The following MRPL13 variants were observed in gnomAD, a reference collection of about 807,000 sequenced individuals.
MRPL13 encodes the protein mitochondrial ribosomal protein L13, also known as large ribosomal subunit protein uL13m.
A neutral mutation model predicts 29.0 loss-of-function variants in MRPL13; 33 were observed. The observed-to-expected ratio is 1.14, with a 90% CI of 0.86 to 1.52. The LOEUF (loss-of-function observed/expected upper bound fraction) is 1.52, where lower values mean the gene tolerates loss of function less well. Ranked by LOEUF, MRPL13 falls within the 40% of genes most tolerant of loss-of-function variation. MRPL13 has a pLI of 0.00. For missense variants in MRPL13, 227 were observed against 216.7 expected, an observed-to-expected ratio of 1.05 and a Z score of -0.30; for synonymous variants, 77 against 68.4, an observed-to-expected ratio of 1.13 and a Z score of -0.62.
At chr8:120,400,081 C>T (rs994256096) in intron 6 of MRPL13, among the ~76,000 whole-genome samples, 1 of 152,058 alleles carries the variant, frequency 6.6e-6, no homozygotes, top group Non-Finnish European at 1.5e-5. Flanking sequence ...ATCATTGGGA[C>T]AGAAAATTAA....
intron 2 of MRPL13, among the ~76,000 whole-genome samples, chr8:120,438,073 C>T (rs1434120732): frequency 6.6e-6 from 1 of 152,140 alleles, no homozygotes; most frequent in Non-Finnish European, 1.5e-5. Flanking sequence ...ATTAAATACA[C>T]TGAAACATGC....
intron 6 of MRPL13, among the ~76,000 whole-genome samples, chr8:120,404,254 CA>C (rs1284199256): frequency 6.6e-6 from 1 of 152,214 alleles, no homozygotes; most frequent in Admixed American, 6.5e-5. Flanking sequence ...AAGAAGTCTG[CA>C]ACTCCACTCA....
At chr8:120,412,173 T>C (rs1326889263) in intron 6 of MRPL13, among the ~76,000 whole-genome samples, 1 of 152,174 alleles carries the variant, frequency 6.6e-6, no homozygotes, top group Admixed American at 6.5e-5. Flanking sequence ...TCATTTATGA[T>C]GGTGTTTCTG....
intron 2 of MRPL13, among the ~76,000 whole-genome samples, chr8:120,435,556 T>C (rs974191993): frequency 6.6e-6 from 1 of 152,158 alleles, no homozygotes; most frequent in African/African-American, 2.4e-5. Context: ...TTAATGGCTC[T>C]ACAGTATTCT....
At chr8:120,432,695 C>T (rs943924866) in intron 2 of MRPL13, among the ~76,000 whole-genome samples, 2 of 152,006 alleles carry the variant, frequency 1.3e-5, no homozygotes, top group African/African-American at 4.8e-5. Flanking sequence ...ATTTAAACTG[C>T]TACTCTCAAC....
chr8:120,437,036 C>A (rs1813062605), intron 2 of MRPL13, among the ~76,000 whole-genome samples: 1 of 151,990 alleles, frequency 6.6e-6, no homozygotes, highest in African/African-American at 2.4e-5. Context: ...TTGACAATAT[C>A]AATATAGTCA....
At chr8:120,442,940 C>T (rs1813140495) in intron 2 of MRPL13, among the ~76,000 whole-genome samples, 1 of 152,054 alleles carries the variant, frequency 6.6e-6, no homozygotes, top group African/African-American at 2.4e-5. Flanking sequence ...AAAAGAAGGG[C>T]TACTAATAAT....
chr8:120,399,809 A>G (rs927520758), intron 6 of MRPL13, among the ~76,000 whole-genome samples: 5 of 152,174 alleles, frequency 3.3e-5, no homozygotes, highest in Admixed American at 3.3e-4. Flanking sequence ...TTTACCAAGC[A>G]AATGGAAAAC....
chr8:120,443,643 A>G (rs73315155), intron 1 of MRPL13, among the ~76,000 whole-genome samples: 2,094 of 148,812 alleles, frequency 0.014, 54 homozygotes, highest in African/African-American at 0.049. Flanking sequence ...TGTATAACAC[A>G]TAATAGAATC....
At chr8:120,417,242 G>T (rs1812814624) in intron 5 of MRPL13, among the ~76,000 whole-genome samples, 1 of 152,188 alleles carries the variant, frequency 6.6e-6, no homozygotes. Context: ...AGTGACCAAA[G>T]ATTTGATCTC....
chr8:120,412,597 T>C (rs191022410), intron 6 of MRPL13, among the ~76,000 whole-genome samples: 176 of 152,372 alleles, frequency 1.2e-3, no homozygotes, highest in African/African-American at 4.0e-3. Flanking sequence ...TGGATTTTTC[T>C]AAAACTTAAG....
At chr8:120,440,483 T>C (rs1439849949) in intron 2 of MRPL13, among the ~76,000 whole-genome samples, 1 of 151,940 alleles carries the variant, frequency 6.6e-6, no homozygotes, top group Non-Finnish European at 1.5e-5. Flanking sequence ...CATATGCCTG[T>C]AATCCCGGCT....
intron 6 of MRPL13, among the ~76,000 whole-genome samples, chr8:120,396,804 T>C (rs963475906): frequency 6.6e-6 from 1 of 152,234 alleles, no homozygotes; most frequent in Admixed American, 6.5e-5. Context: ...AGTGTATTTG[T>C]AGGTGTTGGG....
intron 1 of MRPL13, chr8:120,444,830 C>A (rs544354359): frequency 1.1e-5 from 5 of 464,502 alleles, no homozygotes; most frequent in Admixed American, 3.3e-5. Context: ...TCCTCTTCCC[C>A]CCGCCCCCCC....
intron 2 of MRPL13, among the ~76,000 whole-genome samples, chr8:120,433,895 A>G (rs1813023594): frequency 6.6e-6 from 1 of 152,122 alleles, no homozygotes; most frequent in Non-Finnish European, 1.5e-5. Context: ...TTTAATATAT[A>G]TGTACCAAAT....
chr8:120,443,322 A>G lies in MRPL13; in HGVS notation c.28-14T>C, dbSNP rs904161393. On this transcript the variant is annotated splice_polypyrimidine_tract_variant and intron_variant, in intron 1 of 6. Transcript: ENST00000306185. ...AGTGGCCCATTGCTTGGGGGGGAAA[A>G]AAAAAAAAAAGAAGAGGAAAAAATA... The G allele has an allele frequency of 1.1e-5, 16 of 1,494,240 alleles. No homozygotes were observed. Among genetic ancestry groups the G allele is most frequent in the African/African-American group, 4.3e-5 (3 of 69,536 alleles). The allele number at this position is 1,494,240 out of a possible 1,614,324, so 92.6% of individuals were successfully genotyped here. A position where few individuals can be genotyped will look rare whatever the true frequency, so the allele number is the denominator to read the frequency against.
intron 6 of MRPL13, among the ~76,000 whole-genome samples, chr8:120,411,717 T>C (rs969414484): frequency 6.6e-6 from 1 of 152,174 alleles, no homozygotes; most frequent in African/African-American, 2.4e-5. Flanking sequence ...TAGTGTCTAA[T>C]GCATATTCCT....
Position 120,411,682 on chromosome 8 carries a change from C to A in MRPL13, c.515+2309G>T, listed in dbSNP as rs151144709. ...ACTATTTATGAGGAAAAAATCACAA[C>A]CTTAATAAAGCATAAAGGAAAACCT... On this transcript the variant is annotated intron_variant, in intron 6 of 6. Coordinates refer to ENST00000306185, the MANE Select transcript of MRPL13 (RefSeq NM_014078.6). Among the ~76,000 whole-genome samples the A allele has an allele frequency of 7.5e-3, 1,135 of 152,172 alleles. 18 individuals are homozygous for A. Among genetic ancestry groups the A allele is most frequent in the African/African-American group, 0.025 (1,035 of 41,522 alleles).
At chr8:120,441,354 C>A (rs1813121607) in intron 2 of MRPL13, among the ~76,000 whole-genome samples, 1 of 152,110 alleles carries the variant, frequency 6.6e-6, no homozygotes, top group Non-Finnish European at 1.5e-5. Context: ...ATACATGAGA[C>A]AAAATGCAAT....
Sources: allele counts gnomAD v4.1 joint callset (sites outside exome capture counted in the v4.1 genomes callset), GRCh38; gene constraint gnomAD v4.1.1; transcripts MANE v1.5; gene names NCBI Gene and HGNC (gene_info 2026-07-23, HGNC 2026-07-21).